The following RGS20 variants were observed in gnomAD, a reference collection of about 807,000 sequenced individuals.
RGS20 encodes the protein regulator of G protein signaling 20, also known as gz-selective GTPase-activating protein.
RGS20 carries 30 observed loss-of-function variants against 33.6 expected under a neutral mutation model. That is an observed-to-expected ratio of 0.89 (90% CI 0.67 to 1.21). The LOEUF is 1.21. Ranked by LOEUF, RGS20 falls within the 50% of genes most tolerant of loss-of-function variation. The pLI, the probability that RGS20 is intolerant of heterozygous loss-of-function variation, is 0.00. For synonymous variants in RGS20, 208 were observed against 197.9 expected, an observed-to-expected ratio of 1.05 and a Z score of -0.43; for missense variants, 472 against 502.4, an observed-to-expected ratio of 0.94 and a Z score of 0.58.
chr8:53,940,506 A>G (rs1331482444), intron 3 of RGS20, among the ~76,000 whole-genome samples: 5 of 152,228 alleles, frequency 3.3e-5, no homozygotes, highest in Admixed American at 1.3e-4. Context: ...GTCTGCTGGA[A>G]GAGAAGAAAA....
At position 53,851,965 on chromosome 8, in the gene RGS20, G is replaced by A. The variant is rs748125205; in HGVS notation, c.66G>A (p.Trp22Ter). 3.7e-6 allele frequency: 6 copies of A among 1,614,124 alleles called. No homozygotes were observed. The highest frequency in any genetic ancestry group is 5.1e-6 in the Non-Finnish European group (6 of 1,180,014). The change falls in exon 1 of 6, where the codon TGG becomes TGA. Residue 22 changes from tryptophan (W) to a stop codon, truncating the protein, a stop_gained. Transcript: ENST00000297313. LOFTEE classifies it high-confidence loss of function. ...AACATTTCTCCAGGCCGTCTATATG[G>A]ACACAGTTTCTGCCCCTGTTCAGGG... is the stretch of plus-strand genomic sequence containing the variant.
intron 3 of RGS20, among the ~76,000 whole-genome samples, chr8:53,943,922 C>T (rs1379058416): frequency 6.6e-6 from 1 of 151,806 alleles, no homozygotes; most frequent in African/African-American, 2.4e-5. Context: ...CTATTTAGCC[C>T]TGACATCATG....
At chr8:53,853,847 T>A (rs1811618028) in intron 1 of RGS20, among the ~76,000 whole-genome samples, 1 of 152,138 alleles carries the variant, frequency 6.6e-6, no homozygotes, top group Non-Finnish European at 1.5e-5. Context: ...ATTCTTTCAA[T>A]CAGTAAGATA....
At chr8:53,880,882 G>C in intron 2 of RGS20, 1 of 1,479,764 alleles carries the variant, frequency 6.8e-7, no homozygotes, top group South Asian at 1.3e-5. Context: ...AGAGCAAGGG[G>C]AGGAAGAGGC....
intron 1 of RGS20, among the ~76,000 whole-genome samples, chr8:53,869,488 C>T (rs1271572748): frequency 1.3e-5 from 2 of 152,050 alleles, no homozygotes; most frequent in Admixed American, 1.3e-4. Flanking sequence ...CCAGCCTGGC[C>T]AACATGGTGA....
Position 53,939,619 on chromosome 8 carries a change from C to G in RGS20, c.554C>G (p.Pro185Arg). The G allele has an allele frequency of 6.2e-7, 1 of 1,604,594 alleles. No individual in the cohort carries two copies. Among genetic ancestry groups the G allele is most frequent in the East Asian group, 2.3e-5 (1 of 44,428 alleles). ...ATGGAGATGCGGAAGCGGCAGATGC[C>G]CGCCGCCCAGGACACACCAGGCGCC... The change falls in exon 3 of 6, where the codon CCC (proline) becomes CGC (arginine). Residue 185 changes from proline to arginine, a missense_variant. Around this residue, in one of 3 missense-constraint regions of RGS20, gnomAD observed 319 missense variants for 283.4 expected, o/e 1.13. Coordinates refer to ENST00000297313, the MANE Select transcript of RGS20 (RefSeq NM_170587.4).
At chr8:53,885,456 T>C (rs1812514287) in intron 2 of RGS20, among the ~76,000 whole-genome samples, 1 of 151,850 alleles carries the variant, frequency 6.6e-6, no homozygotes, top group Non-Finnish European at 1.5e-5. Flanking sequence ...TACTAAAAAA[T>C]ACAAAAAATT....
At chr8:53,926,119 A>C (rs1052773127) in intron 2 of RGS20, among the ~76,000 whole-genome samples, 1 of 152,138 alleles carries the variant, frequency 6.6e-6, no homozygotes, top group Non-Finnish European at 1.5e-5. Flanking sequence ...CTTGGACAGG[A>C]GGATTGCTTG....
chr8:53,946,942 G>C (rs566617437), intron 4 of RGS20, among the ~76,000 whole-genome samples, 194 bp downstream of exon 3: 14 of 151,708 alleles, frequency 9.2e-5, no homozygotes, highest in African/African-American at 3.4e-4. Flanking sequence ...AGAGAAATCA[G>C]TTCCATTATT....
At chr8:53,932,719 C>T (rs1220458372) in intron 2 of RGS20, among the ~76,000 whole-genome samples, 1 of 152,210 alleles carries the variant, frequency 6.6e-6, no homozygotes, top group Non-Finnish European at 1.5e-5. Context: ...AGACTTACTG[C>T]CTGGCGGCTG....
chr8:53,909,187 T>TATTATCCA (rs1813266860), intron 2 of RGS20, among the ~76,000 whole-genome samples: 2 of 133,708 alleles, frequency 1.5e-5, no homozygotes, highest in Non-Finnish European at 3.1e-5. Context: ...CTGAGTACTC[T>TATTATCCA]ATTATCCATT....
intron 2 of RGS20, among the ~76,000 whole-genome samples, chr8:53,926,785 G>A (rs112175479): frequency 3.3e-5 from 5 of 152,052 alleles, no homozygotes; most frequent in Non-Finnish European, 4.4e-5. Flanking sequence ...GGTGGTGGGC[G>A]CCTGTAATCC....
chr8:53,853,316 G>A (rs537603845), intron 1 of RGS20, among the ~76,000 whole-genome samples: 2 of 152,298 alleles, frequency 1.3e-5, no homozygotes, highest in Non-Finnish European at 2.9e-5. Flanking sequence ...ACTATCTTGA[G>A]AAGGTATGCT....
At position 53,881,180 on chromosome 8, in the gene RGS20, C is replaced by G. The variant is rs900158527; in HGVS notation, c.510+1578C>G. On this transcript the variant is annotated intron_variant, in intron 2 of 5. Coordinates refer to ENST00000297313, the MANE Select transcript of RGS20 (RefSeq NM_170587.4). ...GGCCGAGGCTGGGAGGGGCGCGCCG[C>G]TCGTCCGGACCTCAGGGTGTCGCCG... The G allele has an allele frequency of 8.2e-5, 74 of 907,458 alleles. No homozygotes were observed. The African/African-American group carries it at 1.3e-3, about 15-fold the overall frequency. The allele number at this position is 907,458 out of a possible 1,614,324, so 56.2% of individuals were successfully genotyped here.
intron 2 of RGS20, among the ~76,000 whole-genome samples, chr8:53,893,172 G>A (rs1812763326): frequency 1.3e-5 from 2 of 152,098 alleles, no homozygotes; most frequent in Admixed American, 6.5e-5. Context: ...GGAAAGAATA[G>A]CTGGTTGACC....
At chr8:53,866,802 G>C (rs1418322908) in intron 1 of RGS20, among the ~76,000 whole-genome samples, 2 of 152,124 alleles carry the variant, frequency 1.3e-5, no homozygotes, top group African/African-American at 4.8e-5. Context: ...ATTTAATTAA[G>C]AGAGCTGGGA....
intron 1 of RGS20, among the ~76,000 whole-genome samples, chr8:53,871,174 T>C (rs1337283452): frequency 7.1e-6 from 1 of 140,460 alleles, no homozygotes; most frequent in Non-Finnish European, 1.5e-5. Flanking sequence ...TTCCCCAGAC[T>C]CTTCTTTTCC....
At chr8:53,865,429 A>G (rs1811898009) in intron 1 of RGS20, among the ~76,000 whole-genome samples, 1 of 152,260 alleles carries the variant, frequency 6.6e-6, no homozygotes, top group Non-Finnish European at 1.5e-5. Context: ...CTATCAAAAA[A>G]CATTTTTATT....
intron 2 of RGS20, among the ~76,000 whole-genome samples, chr8:53,902,747 A>G (rs1813064778): frequency 6.6e-6 from 1 of 150,454 alleles, no homozygotes; most frequent in Admixed American, 6.6e-5. Context: ...TTTTTTGGAG[A>G]CGGAGTCTCC....
Sources: gnomAD v4.1 joint callset for allele counts (sites outside exome capture counted in the v4.1 genomes callset) on GRCh38, gnomAD v4.1.1 for gene constraint, gnomAD v4.1.1 regional missense constraint, MANE v1.5 for transcripts, NCBI Gene and HGNC (gene_info 2026-07-23, HGNC 2026-07-21) for gene names.